STAC: variants seen among roughly 807,000 people sequenced by gnomAD.
The protein encoded by STAC is SH3 and cysteine-rich domain-containing protein.
STAC carries 43 observed loss-of-function variants against 48.8 expected under a neutral mutation model. That is an observed-to-expected ratio of 0.88 (90% CI 0.69 to 1.14). STAC has a LOEUF of 1.14. Ranked by LOEUF, STAC falls within the 50% of genes most tolerant of loss-of-function variation. The pLI is 0.00. For missense variants in STAC, 497 were observed against 504.0 expected (o/e 0.99, Z 0.13); for synonymous variants, 193 against 179.5 (o/e 1.07, Z -0.60).
chr3:36,502,010 T>A (rs1188958806), intron 6 of STAC, among the ~76,000 whole-genome samples: 1 of 152,196 alleles, frequency 6.6e-6, no homozygotes, highest in African/African-American at 2.4e-5. Context: ...TCACATCAGA[T>A]AATCCAGTAA....
At chr3:36,483,609 C>T (rs1697716463) in intron 3 of STAC, among the ~76,000 whole-genome samples, 1 of 152,156 alleles carries the variant, frequency 6.6e-6, no homozygotes, top group Non-Finnish European at 1.5e-5. Flanking sequence ...GATGGCTGAT[C>T]ATACCATCTC....
At chr3:36,425,903 T>A (rs1214943840) in intron 1 of STAC, among the ~76,000 whole-genome samples, 1 of 152,010 alleles carries the variant, frequency 6.6e-6, no homozygotes, top group Non-Finnish European at 1.5e-5. Flanking sequence ...TGGTGATGTG[T>A]GCTTGTGGTC....
intron 6 of STAC, among the ~76,000 whole-genome samples, chr3:36,504,039 C>T (rs766080438): frequency 3.9e-5 from 6 of 152,162 alleles, no homozygotes; most frequent in Non-Finnish European, 8.8e-5. Context: ...ACCACCACCC[C>T]ATTAACAAGC....
intron 1 of STAC, among the ~76,000 whole-genome samples, chr3:36,433,556 C>T (rs928310248): frequency 5.3e-5 from 8 of 152,222 alleles, no homozygotes; most frequent in Non-Finnish European, 1.0e-4. Flanking sequence ...AAACACTCAA[C>T]TTCACTTGTT....
chr3:36,505,916 C>A, intron 8 of STAC, 82 bp downstream of exon 8: 2 of 896,840 alleles, frequency 2.2e-6, no homozygotes, highest in Non-Finnish European at 3.5e-6. Context: ...TCCATCTGTG[C>A]CCCTCCTAAT....
intron 1 of STAC, among the ~76,000 whole-genome samples, chr3:36,420,967 A>G (rs1700435785): frequency 6.6e-6 from 1 of 152,182 alleles, no homozygotes; most frequent in African/African-American, 2.4e-5. Context: ...CTGATCATAA[A>G]TGGTAATTTG....
At chr3:36,449,900 C>T (rs1372619504) in intron 2 of STAC, among the ~76,000 whole-genome samples, 1 of 152,222 alleles carries the variant, frequency 6.6e-6, no homozygotes, top group East Asian at 1.9e-4. Flanking sequence ...ATATTTCCCA[C>T]TGCTCTCCCA....
intron 1 of STAC, among the ~76,000 whole-genome samples, 161 bp downstream of exon 1, chr3:36,380,915 G>A (rs981488850): frequency 4.7e-5 from 5 of 106,116 alleles, no homozygotes; most frequent in Admixed American, 4.1e-4. Flanking sequence ...CGCTGCTCAC[G>A]ATGCTGGACC....
intron 1 of STAC, among the ~76,000 whole-genome samples, chr3:36,439,448 G>A (rs1340586112): frequency 6.6e-6 from 1 of 152,118 alleles, no homozygotes; most frequent in African/African-American, 2.4e-5. Flanking sequence ...TGAGACATGA[G>A]TAGTCAATTT....
chr3:36,534,106 G>C (rs887955023), intron 10 of STAC, among the ~76,000 whole-genome samples: 2 of 152,182 alleles, frequency 1.3e-5, no homozygotes, highest in African/African-American at 4.8e-5. Context: ...AAATATGCTT[G>C]TTAATTGCAG....
intron 1 of STAC, among the ~76,000 whole-genome samples, chr3:36,432,154 C>A (rs1003927106): frequency 6.6e-6 from 1 of 152,186 alleles, no homozygotes; most frequent in Admixed American, 6.5e-5. Flanking sequence ...GTGCCAGACA[C>A]CTTGCCAGAT....
chr3:36,430,466 C>T (rs912970110), intron 1 of STAC, among the ~76,000 whole-genome samples: 2 of 152,198 alleles, frequency 1.3e-5, no homozygotes, highest in Non-Finnish European at 2.9e-5. Flanking sequence ...CAATACAGCA[C>T]GGACAAGACA....
Position 36,435,688 on chromosome 3 carries a change from T to C in STAC, c.112-7676T>C, listed in dbSNP as rs138449755. ...AACCTCCTCAGTTAGGTTTTCACAC[T>C]CACCACTTCACTGAATCTACTATTA... is the stretch of plus-strand genomic sequence containing the variant. On this transcript the variant is annotated intron_variant, in intron 1 of 10. Transcript: ENST00000273183. 2.0e-3 allele frequency among the ~76,000 whole-genome samples: 305 copies of C among 152,304 alleles called. 1 individual carries two copies. The highest frequency in any genetic ancestry group is 6.3e-3 in the Admixed American group (97 of 15,292).
At chr3:36,488,808 T>C (rs1697886003) in intron 5 of STAC, among the ~76,000 whole-genome samples, 1 of 152,186 alleles carries the variant, frequency 6.6e-6, no homozygotes, top group Non-Finnish European at 1.5e-5. Flanking sequence ...AGCCTACCCT[T>C]GACAGTACCC....
At chr3:36,437,883 A>G (rs574598236) in intron 1 of STAC, among the ~76,000 whole-genome samples, 226 of 150,240 alleles carry the variant, frequency 1.5e-3, no homozygotes, top group South Asian at 3.6e-3. Context: ...GTAGCCCCCA[A>G]ATCAAGGTCT....
chr3:36,534,579 G>GT (rs1699153037), intron 10 of STAC, among the ~76,000 whole-genome samples: 1 of 148,118 alleles, frequency 6.8e-6, no homozygotes, highest in Admixed American at 6.7e-5. Flanking sequence ...CATAATTATT[G>GT]TATTTTTTTT....
rs143177782 is a variant in STAC, at chr3:36,505,826, G to A, written c.912G>A (p.Leu304=). 1,454 of 1,599,490 alleles carry A rather than the reference G, an allele frequency of 9.1e-4. 5 individuals carry two copies. The highest frequency in any genetic ancestry group is 2.1e-3 in the South Asian group (185 of 88,678). ...TTGTACCACAGGAGAATGAAGATTT[G>A]GAAATGAGGTAAAAACCTTCTGTAA... ...YKFVPQENED[L]EMRPGDIITL... Residue 304 remains leucine, a synonymous_variant, in exon 8 of 11, where the codon TTG becomes TTA. Coordinates refer to ENST00000273183, the MANE Select transcript of STAC (RefSeq NM_003149.3).
chr3:36,398,556 A>G (rs1167796602), intron 1 of STAC, among the ~76,000 whole-genome samples: 2 of 7,766 alleles, frequency 2.6e-4, no homozygotes, highest in African/African-American at 8.1e-4. Context: ...AGAGAAAGAG[A>G]GAGGGAAGGA....
intron 3 of STAC, among the ~76,000 whole-genome samples, chr3:36,484,484 A>G (rs991125687): frequency 6.6e-6 from 1 of 152,230 alleles, no homozygotes; most frequent in African/African-American, 2.4e-5. Context: ...GGTCAGAAAA[A>G]CAGAGAATAG....
Sources: allele counts gnomAD v4.1 joint callset (sites outside exome capture counted in the v4.1 genomes callset), GRCh38; gene constraint gnomAD v4.1.1; transcripts MANE v1.5; gene names NCBI Gene and HGNC (gene_info 2026-07-23, HGNC 2026-07-21).